MCMDC2: variants seen among roughly 807,000 people sequenced by gnomAD.
MCMDC2 encodes the protein minichromosome maintenance domain-containing protein 2.
Under a neutral mutation model 75.8 loss-of-function variants are expected in MCMDC2, and 54 were observed. That is an observed-to-expected ratio of 0.71 (90% confidence interval 0.57 to 0.89). MCMDC2 has a LOEUF of 0.89. Ranked by LOEUF, MCMDC2 falls within the 40% of genes least tolerant of loss-of-function variation. The pLI, the probability that MCMDC2 is intolerant of heterozygous loss-of-function variation, is 0.00. For missense variants in MCMDC2, 656 were observed against 780.4 expected (o/e 0.84, Z 1.90); for synonymous variants, 249 against 274.6 (o/e 0.91, Z 0.92).
At chr8:66,893,890 C>G (rs536891026) in intron 10 of MCMDC2, among the ~76,000 whole-genome samples, 1 of 152,140 alleles carries the variant, frequency 6.6e-6, no homozygotes, top group South Asian at 2.1e-4. Context: ...GAAGTTGGCC[C>G]TGCTAGTATG....
rs117100203 is a variant in MCMDC2 at position 66,901,029 on chromosome 8, A to C, written c.1627-177A>C. ...CTGGGTAAACTTTAATATCGTTTACAAGTATAACACTGTGATTTAAAGTGT... is the reference window on the plus strand; with the variant it reads ...CTGGGTAAACTTTAATATCGTTTACCAGTATAACACTGTGATTTAAAGTGT... On this transcript the variant is annotated intron_variant, in intron 12 of 14. Transcript: ENST00000422365. Among the ~76,000 whole-genome samples, 31 of 152,366 alleles carry C rather than the reference A, an allele frequency of 2.0e-4. No individual in the cohort carries two copies. In the East Asian group the frequency reaches 5.8e-3, roughly 28 times the overall value.
In MCMDC2 at chr8:66,920,180, T is replaced by A. The variant is rs1813469119; in HGVS notation, c.*1011T>A. On this transcript the variant is annotated 3_prime_UTR_variant, in exon 15 of 15. Transcript: ENST00000422365. ...CCCGGAGGAAGTTGTTCACTATTACTGAATACCTACTAGTAGCAGGGAGTA... is the reference window on the plus strand; with the variant it reads ...CCCGGAGGAAGTTGTTCACTATTACAGAATACCTACTAGTAGCAGGGAGTA... The A allele has an allele frequency of 6.6e-6, 1 of 152,242 alleles. No homozygotes were observed. The highest frequency in any genetic ancestry group is 2.4e-5 in the African/African-American group (1 of 41,444). 9.4% of individuals were successfully genotyped at this position (152,242 alleles called of 1,614,324 possible). A position where few individuals can be genotyped will look rare whatever the true frequency, so the allele number is the denominator to read the frequency against.
At chr8:66,891,736 T>C (rs1812116535) in intron 10 of MCMDC2, among the ~76,000 whole-genome samples, 1 of 152,148 alleles carries the variant, frequency 6.6e-6, no homozygotes, top group Non-Finnish European at 1.5e-5. Context: ...CCATGCCTGC[T>C]GAGGATAAGC....
chr8:66,916,999 GAGA>G (rs1563393062), intron 14 of MCMDC2, among the ~76,000 whole-genome samples: 1 of 152,150 alleles, frequency 6.6e-6, no homozygotes, highest in African/African-American at 2.4e-5. Flanking sequence ...ACTATAGAAG[GAGA>G]AGGATAGTAA....
intron 9 of MCMDC2, among the ~76,000 whole-genome samples, chr8:66,888,446 C>T (rs937958820): frequency 1.3e-5 from 2 of 152,074 alleles, no homozygotes; most frequent in African/African-American, 4.8e-5. Flanking sequence ...CTGTATTTAA[C>T]GTGTAAATCA....
intron 9 of MCMDC2, among the ~76,000 whole-genome samples, chr8:66,890,087 G>A: frequency 6.6e-6 from 1 of 152,176 alleles, no homozygotes; most frequent in East Asian, 1.9e-4. Context: ...TTGTTTTTGA[G>A]ACAGAGTCTT....
chr8:66,880,508 T>C (rs1243165406), intron 7 of MCMDC2, among the ~76,000 whole-genome samples: 2 of 152,238 alleles, frequency 1.3e-5, no homozygotes, highest in Non-Finnish European at 2.9e-5. Context: ...TATAAGGTCA[T>C]TTTTATTAAC....
intron 1 of MCMDC2, among the ~76,000 whole-genome samples, chr8:66,872,667 T>TGGCCG (rs1409115191): frequency 6.6e-6 from 1 of 151,992 alleles, no homozygotes; most frequent in Non-Finnish European, 1.5e-5. Flanking sequence ...AATAAATATT[T>TGGCCG]GGTAATGAGG....
rs1051178934 is a variant in MCMDC2 at position 66,905,248 on chromosome 8, G to A, written c.1792G>A (p.Ala598Thr). The A allele has an allele frequency of 4.0e-6, 6 of 1,484,352 alleles. No individual in the cohort carries two copies. Among genetic ancestry groups the A allele is most frequent in the South Asian group, 1.5e-5 (1 of 68,152 alleles). The allele number at this position is 1,484,352 out of a possible 1,614,324, so 91.9% of individuals were successfully genotyped here. A position where few individuals can be genotyped will look rare whatever the true frequency, so the allele number is the denominator to read the frequency against. ...KYLVFLSEAH[A>T]RLNLRNKVLK... ...TAGCGTTTTCCTATCTGAAGCCCAT[G>A]CACGACTGAACTTAAGGAACAAAGT... Residue 598 changes from alanine (A) to threonine (T), a missense_variant, in exon 14 of 15, where the codon GCA becomes ACA. Ala to Thr is a moderately conservative substitution (Grantham distance 58). Coordinates refer to ENST00000422365, the MANE Select transcript of MCMDC2 (RefSeq NM_173518.5).
At position 66,874,312 on chromosome 8, in the gene MCMDC2, G is replaced by A. The variant is rs749307387; in HGVS notation, c.95-14G>A. On this transcript the variant is annotated splice_polypyrimidine_tract_variant and intron_variant, in intron 2 of 14. Coordinates refer to ENST00000422365, the MANE Select transcript of MCMDC2 (RefSeq NM_173518.5). Reference sequence around the variant, plus strand: ...CATAGCTATCCTGACTTTTACATTTGTATATTTTCATAGATTCAAAACAAA... The same window carrying A: ...CATAGCTATCCTGACTTTTACATTTATATATTTTCATAGATTCAAAACAAA... 3.5e-5 allele frequency: 57 copies of A among 1,606,898 alleles called. No homozygotes were observed. In the Middle Eastern group the frequency reaches 9.9e-4, roughly 28 times the overall value.
At chr8:66,891,451 T>G (rs963802160) in intron 10 of MCMDC2, among the ~76,000 whole-genome samples, 2 of 152,240 alleles carry the variant, frequency 1.3e-5, no homozygotes, top group East Asian at 3.8e-4. Context: ...TAGCTGTACA[T>G]TTTTTGTAGA....
intron 14 of MCMDC2, among the ~76,000 whole-genome samples, chr8:66,907,742 C>T (rs995408677): frequency 6.6e-6 from 1 of 152,146 alleles, no homozygotes; most frequent in African/African-American, 2.4e-5. Context: ...TCTGTTGTTT[C>T]CTGGCTTTTT....
intron 14 of MCMDC2, among the ~76,000 whole-genome samples, chr8:66,918,047 A>G (rs1185405696): frequency 6.6e-6 from 1 of 152,188 alleles, no homozygotes; most frequent in African/African-American, 2.4e-5. Flanking sequence ...ATTTCTCCAC[A>G]TCCTCTCTAA....
intron 4 of MCMDC2, among the ~76,000 whole-genome samples, chr8:66,874,996 C>T (rs750225644): frequency 6.6e-5 from 10 of 152,088 alleles, no homozygotes; most frequent in Non-Finnish European, 8.8e-5. Flanking sequence ...CCTCATGATC[C>T]GCCCACATTG....
intron 14 of MCMDC2, among the ~76,000 whole-genome samples, chr8:66,915,216 G>A (rs1813261947): frequency 6.6e-6 from 1 of 152,036 alleles, no homozygotes; most frequent in Non-Finnish European, 1.5e-5. Context: ...CACTTTGGGA[G>A]GCCAAGGTGG....
chr8:66,921,578 T>G lies in MCMDC2; in HGVS notation c.*2409T>G, dbSNP rs1813535716. 6.6e-6 allele frequency: 1 copy of G among 152,266 alleles called. No homozygotes were observed. Among genetic ancestry groups the G allele is most frequent in the Non-Finnish European group, 1.5e-5 (1 of 68,046 alleles). 9.4% of individuals were successfully genotyped at this position (152,266 alleles called of 1,614,324 possible). A position where few individuals can be genotyped will look rare whatever the true frequency, so the allele number is the denominator to read the frequency against. ...GTCCTAGACAGACTGGTCTGCTCAG[T>G]CATTTCTCTTAACATAGCATATTGC... On this transcript the variant is annotated 3_prime_UTR_variant, in exon 15 of 15. Transcript: ENST00000422365.
chr8:66,919,729 C>T lies in MCMDC2; in HGVS notation c.*560C>T, dbSNP rs1813446912. ...GTTTTAGAAGCCCTAAATATGGAAT[C>T]GGGAAAAGCCTTGGAAGTTTTCCAT... On this transcript the variant is annotated 3_prime_UTR_variant, in exon 15 of 15. Coordinates refer to ENST00000422365, the MANE Select transcript of MCMDC2 (RefSeq NM_173518.5). 6.6e-6 allele frequency: 1 copy of T among 152,072 alleles called. No individual in the cohort carries two copies. The highest frequency in any genetic ancestry group is 1.5e-5 in the Non-Finnish European group (1 of 68,030). 9.4% of individuals were successfully genotyped at this position (152,072 alleles called of 1,614,324 possible).
intron 14 of MCMDC2, 126 bp downstream of exon 14, chr8:66,905,461 AC>A: frequency 1.2e-6 from 1 of 867,562 alleles, no homozygotes; most frequent in Non-Finnish European, 1.5e-6. Context: ...ACAAATCTCT[AC>A]CAGGTAAGGC....
At chr8:66,873,743 C>T (rs1199274130) in intron 1 of MCMDC2, among the ~76,000 whole-genome samples, 2 of 151,892 alleles carry the variant, frequency 1.3e-5, no homozygotes, top group African/African-American at 4.8e-5. Flanking sequence ...AAAAATTAGC[C>T]GGGCATGGTG....
Sources: gnomAD v4.1 joint callset for allele counts (sites outside exome capture counted in the v4.1 genomes callset) on GRCh38, gnomAD v4.1.1 for gene constraint, MANE v1.5 for transcripts, NCBI Gene and HGNC (gene_info 2026-07-23, HGNC 2026-07-21) for gene names.